RABGEF1: variants seen among roughly 807,000 people sequenced by gnomAD.
The protein encoded by RABGEF1 is rab5 GDP/GTP exchange factor.
RABGEF1 carries 26 observed loss-of-function variants against 57.3 expected under a neutral mutation model. That is an observed-to-expected ratio of 0.45 (90% CI 0.33 to 0.63). The LOEUF (loss-of-function observed/expected upper bound fraction) is 0.63. Among genes scored for constraint, RABGEF1 ranks in the 20% least tolerant of loss-of-function variants. The pLI, the probability that RABGEF1 is intolerant of heterozygous loss-of-function variation, is 0.02. For synonymous variants in RABGEF1, 185 were observed against 210.7 expected (o/e 0.88, Z 1.06); for missense variants, 464 against 607.6 (o/e 0.76, Z 2.48).
At chr7:66,773,296 T>G (rs1807672788) in intron 2 of RABGEF1, among the ~76,000 whole-genome samples, 1 of 152,006 alleles carries the variant, frequency 6.6e-6, no homozygotes, top group African/African-American at 2.4e-5. Context: ...AAAAACAGAG[T>G]AGAGGCCACT....
At chr7:66,722,004 A>G (rs1205066273) in intron 2 of RABGEF1, among the ~76,000 whole-genome samples, 2 of 152,074 alleles carry the variant, frequency 1.3e-5, no homozygotes, top group East Asian at 1.9e-4. Context: ...CAAAAAATCA[A>G]AAAAATTAGC....
intron 1 of RABGEF1, among the ~76,000 whole-genome samples, chr7:66,741,898 A>T (rs550532235): frequency 6.6e-6 from 1 of 152,222 alleles, no homozygotes; most frequent in South Asian, 2.1e-4. Context: ...AGCATTTGGA[A>T]GGCCAAGGCA....
At chr7:66,777,057 GAC>G (rs931706089) in intron 3 of RABGEF1, among the ~76,000 whole-genome samples, 2 of 152,188 alleles carry the variant, frequency 1.3e-5, no homozygotes, top group South Asian at 2.1e-4. Flanking sequence ...CACAGTGCCT[GAC>G]ACACACAGTA....
chr7:66,732,914 C>T (rs186120009), intron 2 of RABGEF1, among the ~76,000 whole-genome samples: 96 of 152,316 alleles, frequency 6.3e-4, no homozygotes, highest in Middle Eastern at 3.4e-3. Context: ...ACCCCAGGCT[C>T]GCCCTGCTTC....
chr7:66,692,390 A>G (rs538926314), intron 1 of RABGEF1, among the ~76,000 whole-genome samples: 2 of 152,236 alleles, frequency 1.3e-5, no homozygotes, highest in African/African-American at 4.8e-5. Flanking sequence ...GCATTGTCTT[A>G]AGGTAAGAAG....
chr7:66,688,163 A>G (rs746440774), intron 1 of RABGEF1, among the ~76,000 whole-genome samples: 1 of 152,176 alleles, frequency 6.6e-6, no homozygotes, highest in Non-Finnish European at 1.5e-5. Flanking sequence ...TTTTAAGCCA[A>G]CAATGGTTAT....
intron 1 of RABGEF1, among the ~76,000 whole-genome samples, chr7:66,758,714 G>C (rs1467611707): frequency 6.6e-6 from 1 of 152,154 alleles, no homozygotes; most frequent in Non-Finnish European, 1.5e-5. Flanking sequence ...CGTAACAGCT[G>C]TCACCACCAC....
upstream of RABGEF1, among the ~76,000 whole-genome samples, chr7:66,677,196 C>T (rs1284599526): frequency 2.6e-5 from 4 of 152,096 alleles, no homozygotes; most frequent in Admixed American, 6.6e-5. Flanking sequence ...AAATTTAATA[C>T]TCTTGTGATA....
intron 1 of RABGEF1, among the ~76,000 whole-genome samples, chr7:66,764,191 T>C (rs1413350345): frequency 6.6e-6 from 1 of 152,208 alleles, no homozygotes; most frequent in Non-Finnish European, 1.5e-5. Context: ...GGCATCTCAT[T>C]GTGGTTTCGT....
At chr7:66,702,347 T>TTGTGTGTGTGTG (rs58655312) in intron 1 of RABGEF1, among the ~76,000 whole-genome samples, 81 of 143,978 alleles carry the variant, frequency 5.6e-4, no homozygotes, top group Middle Eastern at 3.5e-3. Flanking sequence ...ATTGTTTTGT[T>TTGTGTGTGTGTG]TGTGTGTGTG....
At chr7:66,722,977 C>CT (rs996982347) in intron 2 of RABGEF1, among the ~76,000 whole-genome samples, 16 of 150,318 alleles carry the variant, frequency 1.1e-4, no homozygotes, top group African/African-American at 2.9e-4. Context: ...TTCTTTTTTT[C>CT]TTTTTTTTTG....
chr7:66,772,227 C>A, intron 2 of RABGEF1, 149 bp downstream of exon 2: 1 of 552,154 alleles, frequency 1.8e-6, no homozygotes, highest in Non-Finnish European at 2.9e-6. Flanking sequence ...CTCTTCTTCT[C>A]AGTCAGCTTT....
At chr7:66,759,519 A>T (rs2901267) in intron 1 of RABGEF1, among the ~76,000 whole-genome samples, 35,697 of 152,034 alleles carry the variant, frequency 0.23, 4,338 homozygotes, top group East Asian at 0.31. Context: ...GTTATAAAGA[A>T]ATACCTGAGA....
chr7:66,696,420 T>C (rs922592877), intron 1 of RABGEF1, among the ~76,000 whole-genome samples: 1 of 152,030 alleles, frequency 6.6e-6, no homozygotes, highest in African/African-American at 2.4e-5. Context: ...CTGGGCGTGG[T>C]GGCTCACGCC....
At chr7:66,717,976 A>G (rs1423026155) in intron 2 of RABGEF1, among the ~76,000 whole-genome samples, 9 of 152,268 alleles carry the variant, frequency 5.9e-5, no homozygotes, top group South Asian at 2.1e-4. Flanking sequence ...TAAAATATCT[A>G]TTTGGTTCTT....
At chr7:66,783,901 A>C in intron 4 of RABGEF1, 60 bp downstream of exon 4, 1 of 1,453,432 alleles carries the variant, frequency 6.9e-7, no homozygotes, top group Admixed American at 2.3e-5. Context: ...GGTCTTAGAG[A>C]TAATATAGTG....
At position 66,810,177 on chromosome 7, in the gene RABGEF1, A is replaced by G. The variant is rs1789259034; in HGVS notation, c.*893A>G. The G allele has an allele frequency of 6.6e-6, 1 of 152,128 alleles. No homozygotes were observed. Among genetic ancestry groups the G allele is most frequent in the Non-Finnish European group, 1.5e-5 (1 of 68,018 alleles). 9.4% of individuals were successfully genotyped at this position (152,128 alleles called of 1,614,324 possible). On this transcript the variant is annotated 3_prime_UTR_variant, in exon 9 of 9. Transcript: ENST00000284957. ...GAGGTGACGGGGTCCCTCAGCTGTG[A>G]GATGCAAGGGGCGCCTTGCAGCCTC...
chr7:66,724,079 A>T (rs1796334223), intron 2 of RABGEF1, among the ~76,000 whole-genome samples: 1 of 151,846 alleles, frequency 6.6e-6, no homozygotes, highest in Non-Finnish European at 1.5e-5. Flanking sequence ...GTTTCTTAAG[A>T]AATTTTTTTT....
chr7:66,781,995 C>T (rs996271122), intron 3 of RABGEF1, among the ~76,000 whole-genome samples: 20 of 152,134 alleles, frequency 1.3e-4, no homozygotes, highest in Admixed American at 3.9e-4. Context: ...TTTTGTCTGA[C>T]CTTCCAGTTG....
Sources: allele counts gnomAD v4.1 joint callset (sites outside exome capture counted in the v4.1 genomes callset), GRCh38; gene constraint gnomAD v4.1.1; transcripts MANE v1.5; gene names NCBI Gene and HGNC (gene_info 2026-07-23, HGNC 2026-07-21).